The following GPC6 variants were observed in gnomAD, a reference collection of about 807,000 sequenced individuals.
GPC6 encodes the protein glypican 6.
In GPC6, 14 loss-of-function variants were observed where a neutral mutation model predicts 55.2. The ratio of observed to expected loss-of-function variants is 0.25; its 90% CI spans 0.17 to 0.40. The LOEUF is 0.40. GPC6 is among the 10% of genes least tolerant of loss of function. The pLI is 1.00. For synonymous variants in GPC6, 278 were observed against 259.6 expected, an observed-to-expected ratio of 1.07 and a Z score of -0.68; for missense variants, 641 against 708.5, an observed-to-expected ratio of 0.90 and a Z score of 1.08.
intron 3 of GPC6, among the ~76,000 whole-genome samples, chr13:93,924,969 A>G: frequency 6.6e-6 from 1 of 152,188 alleles, no homozygotes; most frequent in East Asian, 1.9e-4. Context: ...GATTACTTTA[A>G]GAGGCATGTG....
rs1422019382 is a variant in GPC6, at chr13:94,403,244, G to A, written c.*27G>A. 1 of 1,499,958 alleles carries A rather than the reference G, an allele frequency of 6.7e-7. No individual in the cohort carries two copies. Among genetic ancestry groups the A allele is most frequent in the South Asian group, 1.1e-5 (1 of 88,552 alleles). 92.9% of individuals were successfully genotyped at this position (1,499,958 alleles called of 1,614,324 possible). A position where few individuals can be genotyped will look rare whatever the true frequency, so the allele number is the denominator to read the frequency against. On this transcript the variant is annotated 3_prime_UTR_variant, in exon 9 of 9. Transcript: ENST00000377047. ...CTTGGGTTTTTGGTCAGATGAAACT[G>A]CATTTTAGCTATCTGAATGGCCAAC...
intron 3 of GPC6, among the ~76,000 whole-genome samples, chr13:93,903,164 T>C (rs894514134): frequency 3.9e-5 from 6 of 152,114 alleles, no homozygotes; most frequent in Non-Finnish European, 5.9e-5. Flanking sequence ...TGGGCAAGGT[T>C]TTTTTGGATA....
At chr13:93,562,621 T>C (rs2139460714) in intron 2 of GPC6, among the ~76,000 whole-genome samples, 1 of 152,348 alleles carries the variant, frequency 6.6e-6, no homozygotes, top group East Asian at 1.9e-4. Flanking sequence ...ATATTACTTT[T>C]ATAAGGGTTT....
chr13:93,698,143 C>T (rs1419270006), intron 2 of GPC6, among the ~76,000 whole-genome samples: 3 of 152,132 alleles, frequency 2.0e-5, no homozygotes, highest in Non-Finnish European at 2.9e-5. Flanking sequence ...GTTTCTACTT[C>T]GTTGGATTCT....
chr13:93,344,329 A>G (rs1044234146), intron 1 of GPC6, among the ~76,000 whole-genome samples: 6 of 152,214 alleles, frequency 3.9e-5, no homozygotes, highest in African/African-American at 1.4e-4. Context: ...GGCTGCCTCC[A>G]GAGAACCTAG....
rs1261325000 is a variant in GPC6, at chr13:93,326,532, A to C, written c.160+98916A>C. Among the ~76,000 whole-genome samples the C allele has an allele frequency of 7.2e-5, 11 of 152,324 alleles. No homozygotes were observed. In the East Asian group the frequency reaches 2.1e-3, roughly 29 times the overall value. On this transcript the variant is annotated intron_variant, in intron 1 of 8. Coordinates refer to ENST00000377047, the MANE Select transcript of GPC6 (RefSeq NM_005708.5). ...AATCTTTGGGAGTAGAACCGTTTAC[A>C]GATTGGGGAGTAGCTGCATATGTGT...
intron 2 of GPC6, among the ~76,000 whole-genome samples, chr13:93,597,598 G>A (rs897891080): frequency 1.6e-4 from 24 of 152,168 alleles, no homozygotes; most frequent in African/African-American, 5.1e-4. Flanking sequence ...CTGTAAGACC[G>A]CAAGACCAAC....
At chr13:93,852,684 G>A (rs1484727362) in intron 3 of GPC6, among the ~76,000 whole-genome samples, 1 of 151,522 alleles carries the variant, frequency 6.6e-6, no homozygotes, top group Non-Finnish European at 1.5e-5. Context: ...TTGTACACAT[G>A]GTTTTATTAT....
chr13:93,273,651 C>T (rs950466376), intron 1 of GPC6, among the ~76,000 whole-genome samples: 1 of 152,032 alleles, frequency 6.6e-6, no homozygotes, highest in Non-Finnish European at 1.5e-5. Flanking sequence ...GAGCGAGACT[C>T]CGTCTCAAAA....
At chr13:93,995,829 G>T (rs1220370295) in intron 3 of GPC6, among the ~76,000 whole-genome samples, 2 of 152,014 alleles carry the variant, frequency 1.3e-5, no homozygotes, top group Non-Finnish European at 2.9e-5. Flanking sequence ...TTTTTCTTGG[G>T]ATTCATAATT....
At chr13:93,798,501 C>A (rs1023765008) in intron 2 of GPC6, among the ~76,000 whole-genome samples, 2 of 152,132 alleles carry the variant, frequency 1.3e-5, no homozygotes, top group Non-Finnish European at 2.9e-5. Flanking sequence ...ATAGGCAGTG[C>A]AAATCATGCA....
intron 3 of GPC6, among the ~76,000 whole-genome samples, chr13:93,879,826 G>A (rs1188543311): frequency 1.3e-5 from 2 of 152,032 alleles, no homozygotes; most frequent in Non-Finnish European, 2.9e-5. Flanking sequence ...CTGAAAAAGG[G>A]CTAATATCCA....
intron 1 of GPC6, among the ~76,000 whole-genome samples, chr13:93,415,592 A>G (rs1437229770): frequency 6.6e-6 from 1 of 152,132 alleles, no homozygotes; most frequent in Non-Finnish European, 1.5e-5. Context: ...CAGGTGTTTG[A>G]TACAAATGCC....
intron 2 of GPC6, among the ~76,000 whole-genome samples, chr13:93,630,370 A>G (rs1879378480): frequency 6.6e-6 from 1 of 152,266 alleles, no homozygotes; most frequent in Non-Finnish European, 1.5e-5. Flanking sequence ...AAACTTCTCT[A>G]GTTTCTTCAT....
intron 3 of GPC6, among the ~76,000 whole-genome samples, chr13:93,866,500 A>G (rs1888969311): frequency 1.3e-5 from 2 of 151,872 alleles, no homozygotes. Flanking sequence ...TGAAAAAAGA[A>G]AACATGGTAC....
At chr13:93,687,627 A>G (rs892140587) in intron 2 of GPC6, among the ~76,000 whole-genome samples, 1 of 152,262 alleles carries the variant, frequency 6.6e-6, no homozygotes, top group African/African-American at 2.4e-5. Context: ...ATTTATAAAG[A>G]TATTTTGTAA....
At chr13:93,758,947 G>A (rs1483504354) in intron 2 of GPC6, among the ~76,000 whole-genome samples, 2 of 152,118 alleles carry the variant, frequency 1.3e-5, no homozygotes, top group African/African-American at 4.8e-5. Flanking sequence ...CTTTTCTCCT[G>A]CCTCTGAGCC....
At chr13:94,384,352 A>G (rs1184933883) in intron 7 of GPC6, among the ~76,000 whole-genome samples, 1 of 152,226 alleles carries the variant, frequency 6.6e-6, no homozygotes, top group African/African-American at 2.4e-5. Context: ...CGATGACTGT[A>G]CAGAAAGACA....
chr13:93,531,425 G>C (rs1881863695), intron 1 of GPC6, among the ~76,000 whole-genome samples: 1 of 152,114 alleles, frequency 6.6e-6, no homozygotes, highest in Non-Finnish European at 1.5e-5. Context: ...ATGCTGCAGT[G>C]TTGAAGAAGA....
Sources: allele counts gnomAD v4.1 joint callset (sites outside exome capture counted in the v4.1 genomes callset), GRCh38; gene constraint gnomAD v4.1.1; transcripts MANE v1.5; gene names NCBI Gene and HGNC (gene_info 2026-07-23, HGNC 2026-07-21).